The following JMY variants were observed in gnomAD, a reference collection of about 807,000 sequenced individuals.
JMY encodes junction-mediating and -regulatory protein.
In JMY, 46 loss-of-function variants were observed where a neutral mutation model predicts 103.3. The ratio of observed to expected loss-of-function variants is 0.45; its 90% CI spans 0.35 to 0.57. JMY has a LOEUF of 0.57. Among genes scored for constraint, JMY ranks in the 20% least tolerant of loss-of-function variants. The probability of loss-of-function intolerance (pLI) is 0.00; values close to 1 mark genes in which losing one functional copy is unlikely to be tolerated. For synonymous variants in JMY, 526 were observed against 489.3 expected (o/e 1.07, Z -0.99); for missense variants, 1,238 against 1,255.2 (o/e 0.99, Z 0.21).
intron 6 of JMY, 69 bp downstream of exon 6, chr5:79,300,932 C>T: frequency 9.9e-6 from 13 of 1,307,690 alleles, no homozygotes; most frequent in Non-Finnish European, 1.4e-5. Context: ...TCTGTTTTGT[C>T]TTTAAAACTT....
intron 1 of JMY, among the ~76,000 whole-genome samples, chr5:79,254,359 C>G (rs1745177226): frequency 6.6e-6 from 1 of 152,084 alleles, no homozygotes; most frequent in Non-Finnish European, 1.5e-5. Flanking sequence ...AATGAAATTC[C>G]TCAGCTTTTG....
intron 4 of JMY, among the ~76,000 whole-genome samples, chr5:79,292,455 A>AC (rs149048939): frequency 0.013 from 1,998 of 150,012 alleles, 40 homozygotes; most frequent in African/African-American, 0.045. Context: ...GCAGGCACGC[A>AC]CCCCCCCCAA....
At chr5:79,310,767 C>T (rs563290649) in intron 7 of JMY, among the ~76,000 whole-genome samples, 121 of 152,228 alleles carry the variant, frequency 7.9e-4, no homozygotes, top group Middle Eastern at 3.4e-3. Flanking sequence ...GTTATTAGCT[C>T]AAATTGGATA....
At chr5:79,256,584 G>GT (rs1745249016) in intron 1 of JMY, among the ~76,000 whole-genome samples, 1 of 152,122 alleles carries the variant, frequency 6.6e-6, no homozygotes, top group Admixed American at 6.6e-5. Flanking sequence ...CTTAAAAAAT[G>GT]TTTTTTAGGG....
Position 79,314,652 on chromosome 5 carries a change from C to CCCA in JMY, c.2472_2474dup (p.Pro825dup). 1.9e-6 allele frequency: 3 copies of CCCA among 1,567,348 alleles called. No homozygotes were observed. Among genetic ancestry groups the CCCA allele is most frequent in the Non-Finnish European group, 2.6e-6 (3 of 1,151,940 alleles). ...CACCTCCCCCACCTCCTCCCCCTCC[C>CCCA]CCACCACCACCACCTCTGCCTGTTG... On this transcript the variant is annotated inframe_insertion, in exon 9 of 11. Transcript: ENST00000396137.
At chr5:79,277,777 C>G in intron 1 of JMY, 133 bp from the exon 2 acceptor site, 5 of 637,262 alleles carry the variant, frequency 7.8e-6, no homozygotes, top group Non-Finnish European at 1.3e-5. Context: ...GAAAAGCAGT[C>G]AATGCTTTTC....
In JMY at chr5:79,323,625, A is replaced by G. The variant is rs531736205; in HGVS notation, c.*2023A>G. The G allele has an allele frequency of 1.3e-5, 2 of 152,288 alleles. No homozygotes were observed. The highest frequency in any genetic ancestry group is 3.9e-4 in the East Asian group (2 of 5,190). 9.4% of individuals were successfully genotyped at this position (152,288 alleles called of 1,614,324 possible). A position where few individuals can be genotyped will look rare whatever the true frequency, so the allele number is the denominator to read the frequency against. ...TATCCAGTTCTTTGGGTGCTGGTTC[A>G]CTTTTTTTCATTTATTCAAATTCAG... is the stretch of plus-strand genomic sequence containing the variant. On this transcript the variant is annotated 3_prime_UTR_variant, in exon 11 of 11. Transcript: ENST00000396137.
At chr5:79,251,747 T>C (rs1745090724) in intron 1 of JMY, among the ~76,000 whole-genome samples, 1 of 151,846 alleles carries the variant, frequency 6.6e-6, no homozygotes, top group South Asian at 2.1e-4. Context: ...ATGAGTTCAA[T>C]TGTTGTGATT....
At chr5:79,313,483 G>C (rs1447891357) in intron 8 of JMY, among the ~76,000 whole-genome samples, 1 of 152,116 alleles carries the variant, frequency 6.6e-6, no homozygotes, top group Non-Finnish European at 1.5e-5. Context: ...CTACCAGTAA[G>C]TACTGAAAAA....
At chr5:79,303,476 G>A (rs890613776) in intron 6 of JMY, among the ~76,000 whole-genome samples, 4 of 152,264 alleles carry the variant, frequency 2.6e-5, no homozygotes, top group African/African-American at 7.2e-5. Context: ...AACCTTCATT[G>A]TATTTAATAT....
At chr5:79,267,438 C>T (rs963722061) in intron 1 of JMY, among the ~76,000 whole-genome samples, 7 of 151,966 alleles carry the variant, frequency 4.6e-5, no homozygotes, top group African/African-American at 1.7e-4. Flanking sequence ...TCTTTTTACT[C>T]TCTGTAGTTT....
At chr5:79,272,629 T>A (rs1745818076) in intron 1 of JMY, among the ~76,000 whole-genome samples, 1 of 152,182 alleles carries the variant, frequency 6.6e-6, no homozygotes, top group Admixed American at 6.6e-5. Context: ...GAGTTAATAT[T>A]GTACCACTTC....
chr5:79,320,624 T>A (rs1014191235), intron 10 of JMY, among the ~76,000 whole-genome samples: 1 of 152,148 alleles, frequency 6.6e-6, no homozygotes, highest in East Asian at 1.9e-4. Flanking sequence ...GTAGGAGTCT[T>A]CTAAAGTAAC....
chr5:79,290,113 C>G lies in JMY; in HGVS notation c.1207-8C>G. On this transcript the variant is annotated splice_region_variant and splice_polypyrimidine_tract_variant and intron_variant, in intron 2 of 10. Coordinates refer to ENST00000396137, the MANE Select transcript of JMY (RefSeq NM_152405.5). ...GAACTTCTTAATTTTTTCTTTTTCT[C>G]TCTGAAGATTTCCATGGAGAATGAT... is the stretch of plus-strand genomic sequence containing the variant. The G allele has an allele frequency of 1.9e-6, 3 of 1,559,338 alleles. No homozygotes were observed. Among genetic ancestry groups the G allele is most frequent in the Admixed American group, 2.0e-5 (1 of 48,870 alleles).
chr5:79,251,209 T>C (rs774452727), intron 1 of JMY, among the ~76,000 whole-genome samples: 1 of 152,148 alleles, frequency 6.6e-6, no homozygotes, highest in Non-Finnish European at 1.5e-5. Context: ...TGGGCATATC[T>C]GTAGTTATTT....
chr5:79,244,331 T>C (rs149387549), intron 1 of JMY, among the ~76,000 whole-genome samples: 203 of 152,282 alleles, frequency 1.3e-3, no homozygotes, highest in African/African-American at 4.2e-3. Flanking sequence ...AGTCTGGGGA[T>C]GTTTCCTCCT....
At chr5:79,320,377 T>TCAGCCAGGCTGGAGTG (rs1747412416) in intron 10 of JMY, among the ~76,000 whole-genome samples, 1 of 151,546 alleles carries the variant, frequency 6.6e-6, no homozygotes, top group Non-Finnish European at 1.5e-5. Context: ...TCTCACTGTG[T>TCAGCCAGGCTGGAGTG]CAGCCAGGCT....
intron 2 of JMY, among the ~76,000 whole-genome samples, chr5:79,282,539 T>C (rs928092364): frequency 3.3e-5 from 5 of 152,128 alleles, no homozygotes; most frequent in Admixed American, 6.5e-5. Context: ...CCTAAAGATA[T>C]ATGTGAAAAG....
chr5:79,298,834 G>A (rs1746641867), intron 4 of JMY, among the ~76,000 whole-genome samples: 1 of 152,158 alleles, frequency 6.6e-6, no homozygotes, highest in Non-Finnish European at 1.5e-5. Context: ...CTAATTATTG[G>A]GTAAGACTGT....
Sources: allele counts gnomAD v4.1 joint callset (sites outside exome capture counted in the v4.1 genomes callset), GRCh38; gene constraint gnomAD v4.1.1; transcripts MANE v1.5; gene names NCBI Gene and HGNC (gene_info 2026-07-23, HGNC 2026-07-21).